Variants in NXPH2 observed in about 807,000 individuals in gnomAD.
NXPH2 encodes the protein neurexophilin 2, also known as neurexophilin-2.
A neutral mutation model predicts 19.8 loss-of-function variants in NXPH2; 5 were observed. The ratio of observed to expected loss-of-function variants is 0.25; its 90% CI spans 0.13 to 0.53. NXPH2 has a LOEUF of 0.53. Ranked by LOEUF, NXPH2 falls within the 20% of genes least tolerant of loss-of-function variation. The pLI is 0.96. For missense variants in NXPH2, 289 were observed against 322.8 expected (o/e 0.90, Z 0.80); for synonymous variants, 154 against 127.4 (o/e 1.21, Z -1.41).
intron 1 of NXPH2, among the ~76,000 whole-genome samples, chr2:138,756,520 G>A (rs1357675873): frequency 6.6e-6 from 1 of 150,886 alleles, no homozygotes; most frequent in Non-Finnish European, 1.5e-5. Context: ...ATTTAAAAAA[G>A]TAGCTTTTAC....
chr2:138,718,690 G>T (rs1282428641), intron 1 of NXPH2, among the ~76,000 whole-genome samples: 1 of 152,142 alleles, frequency 6.6e-6, no homozygotes, highest in East Asian at 1.9e-4. Context: ...TCCTATGAGT[G>T]GCTAAAGGTA....
At chr2:138,731,304 G>A (rs530893398) in intron 1 of NXPH2, among the ~76,000 whole-genome samples, 1 of 152,098 alleles carries the variant, frequency 6.6e-6, no homozygotes, top group Admixed American at 6.6e-5. Flanking sequence ...ATCACTGAAA[G>A]CAAACTGATA....
intron 1 of NXPH2, among the ~76,000 whole-genome samples, chr2:138,759,630 G>A (rs938905269): frequency 1.3e-5 from 2 of 151,340 alleles, no homozygotes; most frequent in Admixed American, 6.6e-5. Flanking sequence ...TGTATATCAC[G>A]AGCCACACCT....
rs535806023 is a variant in NXPH2, at chr2:138,744,747, T to C, written c.51+35444A>G. Among the ~76,000 whole-genome samples, 13 of 152,298 alleles carry C rather than the reference T, an allele frequency of 8.5e-5. No individual in the cohort carries two copies. The East Asian group carries it at 2.5e-3, about 29-fold the overall frequency. On this transcript the variant is annotated intron_variant, in intron 1 of 1. Coordinates refer to ENST00000272641, the MANE Select transcript of NXPH2 (RefSeq NM_007226.3). ...CCTTAAGGTCTGCTTTTTCCCACTG[T>C]GTGATGAATAGAACTCTTCCTGGCT...
chr2:138,688,218 C>A lies in NXPH2; in HGVS notation c.52-16553G>T, dbSNP rs552973636. The stretch of plus-strand genomic sequence containing the variant: ...TTTGTGTTGGAGATGGAGTCTTGCT[C>A]TGTTGCCCAGCCTGGAGTGCAACGG... On this transcript the variant is annotated intron_variant, in intron 1 of 1. Coordinates refer to ENST00000272641, the MANE Select transcript of NXPH2 (RefSeq NM_007226.3). 8.5e-5 allele frequency among the ~76,000 whole-genome samples: 13 copies of A among 152,314 alleles called. No individual in the cohort carries two copies. In the South Asian group the frequency reaches 2.7e-3, roughly 32 times the overall value.
chr2:138,704,075 C>T (rs1680972568), intron 1 of NXPH2, among the ~76,000 whole-genome samples: 1 of 152,142 alleles, frequency 6.6e-6, no homozygotes, highest in East Asian at 1.9e-4. Context: ...TAGGGCAAAA[C>T]CTAGATCAGA....
chr2:138,776,241 T>C (rs1682260634), intron 1 of NXPH2, among the ~76,000 whole-genome samples: 1 of 152,050 alleles, frequency 6.6e-6, no homozygotes, highest in South Asian at 2.1e-4. Flanking sequence ...ACCCCTAAAA[T>C]ATTTTTCCAA....
chr2:138,760,996 C>T (rs1222385462), intron 1 of NXPH2, among the ~76,000 whole-genome samples: 3 of 152,176 alleles, frequency 2.0e-5, no homozygotes, highest in African/African-American at 7.2e-5. Context: ...CCTGATTAAA[C>T]CCAGGGTCTG....
At chr2:138,709,929 G>T (rs1322258543) in intron 1 of NXPH2, among the ~76,000 whole-genome samples, 1 of 152,102 alleles carries the variant, frequency 6.6e-6, no homozygotes, top group Non-Finnish European at 1.5e-5. Context: ...AGGATATTTT[G>T]GTTGCTTCCT....
At chr2:138,766,909 G>C (rs1275056329) in intron 1 of NXPH2, among the ~76,000 whole-genome samples, 1 of 152,098 alleles carries the variant, frequency 6.6e-6, no homozygotes, top group Non-Finnish European at 1.5e-5. Context: ...ACTGATTTTT[G>C]TTGATTGTGT....
At chr2:138,753,331 G>A (rs1453541897) in intron 1 of NXPH2, among the ~76,000 whole-genome samples, 1 of 152,062 alleles carries the variant, frequency 6.6e-6, no homozygotes, top group African/African-American at 2.4e-5. Context: ...GTTTGCTTGT[G>A]GTTTGTGTTG....
intron 1 of NXPH2, among the ~76,000 whole-genome samples, chr2:138,695,116 A>G (rs1680810295): frequency 6.6e-6 from 1 of 152,180 alleles, no homozygotes; most frequent in African/African-American, 2.4e-5. Context: ...GCTGTTGACT[A>G]AAATGGTATT....
At chr2:138,711,081 C>T (rs1204828405) in intron 1 of NXPH2, among the ~76,000 whole-genome samples, 1 of 151,280 alleles carries the variant, frequency 6.6e-6, no homozygotes, top group South Asian at 2.1e-4. Context: ...AAAAATCTCA[C>T]CCAGAGGAGG....
chr2:138,675,843 A>G (rs1361552011), intron 1 of NXPH2, among the ~76,000 whole-genome samples: 4 of 152,186 alleles, frequency 2.6e-5, no homozygotes, highest in Admixed American at 6.5e-5. Context: ...AGATTAGTCA[A>G]TGTAATAAAA....
chr2:138,697,958 A>C (rs1003288716), intron 1 of NXPH2, among the ~76,000 whole-genome samples: 39 of 152,238 alleles, frequency 2.6e-4, no homozygotes, highest in Admixed American at 2.4e-3. Flanking sequence ...TCACTTTGTT[A>C]TGACAATATA....
At chr2:138,716,376 A>G (rs1219205065) in intron 1 of NXPH2, among the ~76,000 whole-genome samples, 5 of 152,186 alleles carry the variant, frequency 3.3e-5, no homozygotes, top group African/African-American at 4.8e-5. Flanking sequence ...TTATAAAAAG[A>G]GAAAGACTAG....
At chr2:138,681,558 T>C (rs545391506) in intron 1 of NXPH2, among the ~76,000 whole-genome samples, 2 of 152,200 alleles carry the variant, frequency 1.3e-5, no homozygotes, top group Non-Finnish European at 2.9e-5. Context: ...ACCAAAAATA[T>C]GTAGTCCTCT....
chr2:138,757,541 G>T (rs1681930741), intron 1 of NXPH2, among the ~76,000 whole-genome samples: 1 of 152,004 alleles, frequency 6.6e-6, no homozygotes, highest in African/African-American at 2.4e-5. Context: ...CCGTCCTTGT[G>T]GCATTCCCGT....
chr2:138,753,222 G>T (rs1261226809), intron 1 of NXPH2, among the ~76,000 whole-genome samples: 1 of 152,094 alleles, frequency 6.6e-6, no homozygotes, highest in Non-Finnish European at 1.5e-5. Context: ...TATACTTTGG[G>T]TTATAATCTA....
Sources: allele counts gnomAD v4.1 joint callset (sites outside exome capture counted in the v4.1 genomes callset), GRCh38; gene constraint gnomAD v4.1.1; transcripts MANE v1.5; gene names NCBI Gene and HGNC (gene_info 2026-07-23, HGNC 2026-07-21).